The following EPHA5 variants were observed in gnomAD, a reference collection of about 807,000 sequenced individuals.
EPHA5 encodes the protein EPH receptor A5.
In EPHA5, 60 loss-of-function variants were observed where a neutral mutation model predicts 105.0. That is an observed-to-expected ratio of 0.57 (90% CI 0.46 to 0.71). The LOEUF (loss-of-function observed/expected upper bound fraction) is 0.71, where lower values mean the gene tolerates loss of function less well. Among genes scored for constraint, EPHA5 ranks in the 30% least tolerant of loss-of-function variants. The pLI is 0.00. For missense variants in EPHA5, 1,218 were observed against 1,274.7 expected, an observed-to-expected ratio of 0.96 and a Z score of 0.68; for synonymous variants, 513 against 449.1, an observed-to-expected ratio of 1.14 and a Z score of -1.80.
chr4:65,608,732 T>C (rs1461266764), intron 2 of EPHA5, among the ~76,000 whole-genome samples: 2 of 152,186 alleles, frequency 1.3e-5, no homozygotes, highest in African/African-American at 2.4e-5. Flanking sequence ...TCAATTTTCC[T>C]GTTATGCAAT....
intron 5 of EPHA5, among the ~76,000 whole-genome samples, chr4:65,476,121 A>AGTGTGTGTGT (rs1265229948): frequency 1.1e-4 from 14 of 133,160 alleles, no homozygotes; most frequent in African/African-American, 4.0e-4. Context: ...AGAGAGAGAG[A>AGTGTGTGTGT]GAGAGAGTGT....
At chr4:65,524,957 G>A (rs140799539) in intron 3 of EPHA5, among the ~76,000 whole-genome samples, 168 of 151,730 alleles carry the variant, frequency 1.1e-3, no homozygotes, top group African/African-American at 3.8e-3. Context: ...ATAATGACAC[G>A]TATCATTAAA....
intron 8 of EPHA5, among the ~76,000 whole-genome samples, chr4:65,371,071 T>C (rs999569526): frequency 1.1e-4 from 16 of 152,176 alleles, no homozygotes; most frequent in Non-Finnish European, 2.4e-4. Context: ...TTGCCTCTCA[T>C]TTTCTGGAAA....
chr4:65,631,945 A>G (rs151216108), intron 2 of EPHA5, among the ~76,000 whole-genome samples: 1,663 of 151,888 alleles, frequency 0.011, 33 homozygotes, highest in African/African-American at 0.037. Context: ...TAATGCATGT[A>G]TATCTCAAAA....
intron 8 of EPHA5, among the ~76,000 whole-genome samples, chr4:65,380,977 C>CT (rs1719504593): frequency 1.3e-5 from 2 of 151,684 alleles, no homozygotes; most frequent in South Asian, 4.2e-4. Context: ...TTTGGATAAT[C>CT]TAGTCACTGA....
intron 3 of EPHA5, among the ~76,000 whole-genome samples, chr4:65,534,088 T>C (rs1048356676): frequency 1.6e-4 from 25 of 152,150 alleles, no homozygotes; most frequent in Non-Finnish European, 5.9e-5. Context: ...TAGCACAAAA[T>C]GTCTGTGCCC....
At chr4:65,592,674 T>C (rs1742785317) in intron 3 of EPHA5, among the ~76,000 whole-genome samples, 1 of 152,134 alleles carries the variant, frequency 6.6e-6, no homozygotes, top group African/African-American at 2.4e-5. Context: ...TGCAAATTCA[T>C]ATTAGCCACC....
chr4:65,532,255 T>C (rs1348229686), intron 3 of EPHA5, among the ~76,000 whole-genome samples: 2 of 152,228 alleles, frequency 1.3e-5, no homozygotes, highest in East Asian at 3.9e-4. Flanking sequence ...GTAATGGAAT[T>C]TAATGTGACT....
At position 65,511,584 on chromosome 4, in the gene EPHA5, G is replaced by T. The variant is rs145626589; in HGVS notation, c.911-16041C>A. Among the ~76,000 whole-genome samples, 597 of 152,252 alleles carry T rather than the reference G, an allele frequency of 3.9e-3. 4 individuals carry two copies. Among genetic ancestry groups the T allele is most frequent in the Non-Finnish European group, 6.2e-3 (422 of 68,002 alleles). On this transcript the variant is annotated intron_variant, in intron 3 of 16. Transcript: ENST00000613740. The stretch of plus-strand genomic sequence containing the variant: ...TATGTATATTTGAATTTGACACTCT[G>T]AATCCTTTAATATGTGTTTACTCTA...
At chr4:65,635,642 C>T (rs1388369782) in intron 2 of EPHA5, among the ~76,000 whole-genome samples, 1 of 152,100 alleles carries the variant, frequency 6.6e-6, no homozygotes, top group East Asian at 1.9e-4. Context: ...CATGAGATCA[C>T]AAACTGTTCT....
intron 5 of EPHA5, among the ~76,000 whole-genome samples, chr4:65,439,436 C>T (rs1166549621): frequency 1.3e-5 from 2 of 150,402 alleles, no homozygotes; most frequent in African/African-American, 4.9e-5. Flanking sequence ...ACCCCCACAC[C>T]ACCCCCCGCT....
intron 1 of EPHA5, among the ~76,000 whole-genome samples, chr4:65,658,582 A>C (rs541288565): frequency 6.6e-6 from 1 of 152,244 alleles, no homozygotes; most frequent in South Asian, 2.1e-4. Flanking sequence ...TATATTATTT[A>C]CTATATGCTA....
In EPHA5 at chr4:65,322,967, G is replaced by A. The variant is rs1304405927; in HGVS notation, c.*1147C>T. On this transcript the variant is annotated 3_prime_UTR_variant, in exon 17 of 17. Coordinates refer to ENST00000613740, the MANE Select transcript of EPHA5 (RefSeq NM_001281766.3). ...GGGTGATGCTTCGTGCTATGTGCCTGGATTTAACAACATTAACAGAAGCCT... is the reference window on the plus strand; with the variant it reads ...GGGTGATGCTTCGTGCTATGTGCCTAGATTTAACAACATTAACAGAAGCCT... The A allele has an allele frequency of 4.4e-6, 1 of 228,912 alleles. No individual in the cohort carries two copies. Among genetic ancestry groups the A allele is most frequent in the Admixed American group, 5.7e-5 (1 of 17,526 alleles). The allele number at this position is 228,912 out of a possible 1,614,324, so 14.2% of individuals were successfully genotyped here.
chr4:65,395,738 G>T (rs185642663), intron 8 of EPHA5, among the ~76,000 whole-genome samples: 19 of 152,326 alleles, frequency 1.2e-4, no homozygotes, highest in Admixed American at 1.2e-3. Flanking sequence ...TCAAAGAGAA[G>T]ACTGGTTGGC....
In EPHA5 at chr4:65,670,279, A is replaced by T; in HGVS notation, c.-537T>A. On this transcript the variant is annotated 5_prime_UTR_variant, in exon 1 of 17. Transcript: ENST00000613740. ...AGGAGAGCAGCGAGCAAAAGCAAAG[A>T]TCCAGAGTTCAAAGAGACTGGCAGA... is the stretch of plus-strand genomic sequence containing the variant. The T allele has an allele frequency of 4.3e-6, 1 of 233,790 alleles. No homozygotes were observed. The highest frequency in any genetic ancestry group is 8.4e-6 in the Non-Finnish European group (1 of 118,430). The allele number at this position is 233,790 out of a possible 1,614,324, so 14.5% of individuals were successfully genotyped here.
intron 13 of EPHA5, among the ~76,000 whole-genome samples, chr4:65,350,035 T>G (rs184759110): frequency 6.6e-6 from 1 of 152,218 alleles, no homozygotes; most frequent in East Asian, 1.9e-4. Context: ...GTCTCTCACT[T>G]TACTCTGTAG....
At chr4:65,451,688 TA>T (rs1727084624) in intron 5 of EPHA5, among the ~76,000 whole-genome samples, 3 of 152,152 alleles carry the variant, frequency 2.0e-5, no homozygotes, top group Admixed American at 2.0e-4. Context: ...ACTTTCTATA[TA>T]ATAGCACTGA....
At chr4:65,395,629 T>A (rs1324466269) in intron 8 of EPHA5, among the ~76,000 whole-genome samples, 4 of 152,190 alleles carry the variant, frequency 2.6e-5, no homozygotes, top group African/African-American at 9.7e-5. Flanking sequence ...ACTGAGACAT[T>A]TCAAATGGAT....
chr4:65,504,770 A>G (rs1732838643), intron 3 of EPHA5, among the ~76,000 whole-genome samples: 2 of 151,994 alleles, frequency 1.3e-5, no homozygotes, highest in Non-Finnish European at 2.9e-5. Context: ...TAAAAGCCAC[A>G]TGATTTCAGC....
Sources: allele counts gnomAD v4.1 joint callset (sites outside exome capture counted in the v4.1 genomes callset), GRCh38; gene constraint gnomAD v4.1.1; transcripts MANE v1.5; gene names NCBI Gene and HGNC (gene_info 2026-07-23, HGNC 2026-07-21).